Variants in CHCHD3 observed in about 807,000 individuals in gnomAD.
The protein encoded by CHCHD3 is coiled-coil-helix-coiled-coil-helix domain containing 3, also known as MICOS complex subunit MIC19.
Under a neutral mutation model 38.2 loss-of-function variants are expected in CHCHD3, and 20 were observed. That is an observed-to-expected ratio of 0.52 (90% CI 0.37 to 0.76). The LOEUF (loss-of-function observed/expected upper bound fraction) is 0.76, where lower values mean the gene tolerates loss of function less well. CHCHD3 is among the 30% of genes least tolerant of loss of function. The pLI is 0.00. For synonymous variants in CHCHD3, 82 were observed against 100.0 expected, an observed-to-expected ratio of 0.82 and a Z score of 1.07; for missense variants, 245 against 279.2, an observed-to-expected ratio of 0.88 and a Z score of 0.87.
In CHCHD3 at chr7:132,974,981, C is replaced by A. The variant is rs115092500; in HGVS notation, c.369+188G>T. Among the ~76,000 whole-genome samples, 2,158 of 152,272 alleles carry A rather than the reference C, an allele frequency of 0.014. 57 individuals carry two copies. The highest frequency in any genetic ancestry group is 0.049 in the African/African-American group (2,032 of 41,546). On this transcript the variant is annotated intron_variant, in intron 4 of 7. Transcript: ENST00000262570. The stretch of plus-strand genomic sequence containing the variant: ...TCTTCAATACTTCCAGAGTTACCTG[C>A]CTTTAAAGTCCTTGATGGTTAAACC...
chr7:132,983,142 C>T (rs941175132), intron 3 of CHCHD3, among the ~76,000 whole-genome samples: 5 of 151,352 alleles, frequency 3.3e-5, no homozygotes, highest in South Asian at 2.2e-4. Context: ...GCCAACATGG[C>T]GAAACCCCAT....
chr7:132,892,789 C>T (rs1809397690), intron 4 of CHCHD3, among the ~76,000 whole-genome samples: 1 of 152,228 alleles, frequency 6.6e-6, no homozygotes, highest in Admixed American at 6.5e-5. Context: ...TCAGAGGGTG[C>T]AAGCCCCAAG....
chr7:132,907,240 C>T (rs1437259536), intron 4 of CHCHD3, among the ~76,000 whole-genome samples: 1 of 152,106 alleles, frequency 6.6e-6, no homozygotes, highest in Non-Finnish European at 1.5e-5. Context: ...AAACCACAAT[C>T]CTAAAGCTCC....
chr7:132,848,162 T>C (rs941704446), intron 5 of CHCHD3, among the ~76,000 whole-genome samples: 10 of 152,190 alleles, frequency 6.6e-5, no homozygotes, highest in African/African-American at 2.4e-4. Context: ...AGGCCTCTTC[T>C]TCCTCCTACA....
At chr7:132,968,054 T>C (rs1811520790) in intron 4 of CHCHD3, among the ~76,000 whole-genome samples, 1 of 152,116 alleles carries the variant, frequency 6.6e-6, no homozygotes, top group Admixed American at 6.6e-5. Flanking sequence ...GTAGCAAACA[T>C]ACCTAAAGCT....
At position 132,922,959 on chromosome 7, in the gene CHCHD3, A is replaced by C. The variant is rs148434722; in HGVS notation, c.370-37214T>G. Among the ~76,000 whole-genome samples, 459 of 152,326 alleles carry C rather than the reference A, an allele frequency of 3.0e-3. 1 individual carries two copies. Among genetic ancestry groups the C allele is most frequent in the African/African-American group, 0.011 (440 of 41,572 alleles). Reference sequence around the variant, plus strand: ...GCTGAGCATTAAAACTTACATGTACAATCATCATGTGAAAAACCTACTCAT... The same window carrying C: ...GCTGAGCATTAAAACTTACATGTACCATCATCATGTGAAAAACCTACTCAT... On this transcript the variant is annotated intron_variant, in intron 4 of 7. Coordinates refer to ENST00000262570, the MANE Select transcript of CHCHD3 (RefSeq NM_017812.4).
At chr7:132,974,217 AGGAAAACACACACTGGTG>A (rs1811695941) in intron 4 of CHCHD3, among the ~76,000 whole-genome samples, 1 of 152,224 alleles carries the variant, frequency 6.6e-6, no homozygotes, top group Admixed American at 6.5e-5. Flanking sequence ...AATAATCTCG[AGGAAAACACACACTGGTG>A]TAAACCATGG....
intron 5 of CHCHD3, among the ~76,000 whole-genome samples, chr7:132,861,427 G>A (rs907376518): frequency 6.6e-6 from 1 of 152,050 alleles, no homozygotes; most frequent in African/African-American, 2.4e-5. Context: ...TTTGTTCTCT[G>A]TATTGTATTC....
chr7:132,975,175 C>A lies in CHCHD3; in HGVS notation c.363G>T (p.Lys121Asn). 1 of 1,611,536 alleles carries A rather than the reference C, an allele frequency of 6.2e-7. No homozygotes were observed. Among genetic ancestry groups the A allele is most frequent in the Admixed American group, 1.7e-5 (1 of 60,008 alleles). ...ICSEEERAKA[K>N]HLARQLEEKD... ...CTACATTTTTAATACTCACCAGGTG[C>A]TTTGCCTTAGCGCGTTCCTCCTCGC... The change falls in exon 4 of 8, where the codon AAG becomes AAT. Residue 121 changes from lysine (K) to asparagine (N), a missense_variant. Physicochemically the swap from Lys to Asn is moderately conservative, Grantham distance 94. Transcript: ENST00000262570.
At chr7:133,043,272 T>C (rs957384589) in intron 2 of CHCHD3, among the ~76,000 whole-genome samples, 1 of 152,166 alleles carries the variant, frequency 6.6e-6, no homozygotes, top group Admixed American at 6.5e-5. Context: ...AATATGACAC[T>C]ATATTGTATT....
Position 133,035,832 on chromosome 7 carries a change from C to T in CHCHD3, c.170-11205G>A. Reference sequence around the variant, plus strand: ...GAAGTGGGGTGGTGCGGAGAGCACGCGGATCTGAGCCCCGCTGTACTGAGC... The same window carrying T: ...GAAGTGGGGTGGTGCGGAGAGCACGTGGATCTGAGCCCCGCTGTACTGAGC... On this transcript the variant is annotated intron_variant, in intron 2 of 7. Coordinates refer to ENST00000262570, the MANE Select transcript of CHCHD3 (RefSeq NM_017812.4). This position sits in a 1 kb window ranked among gnomAD's most constrained non-coding sequence, Gnocchi z 4.7. 3.1e-6 allele frequency: 5 copies of T among 1,613,056 alleles called. No homozygotes were observed. The Admixed American group carries it at 6.7e-5, about 22-fold the overall frequency.
intron 4 of CHCHD3, among the ~76,000 whole-genome samples, chr7:132,922,641 G>C (rs767772141): frequency 1.3e-5 from 2 of 151,780 alleles, no homozygotes; most frequent in Non-Finnish European, 2.9e-5. Flanking sequence ...TTTGAAAGGC[G>C]TAAGTCATAT....
At chr7:133,074,635 C>A (rs1468356896) in intron 1 of CHCHD3, among the ~76,000 whole-genome samples, 1 of 152,094 alleles carries the variant, frequency 6.6e-6, no homozygotes, top group Non-Finnish European at 1.5e-5. Flanking sequence ...TAATAACACA[C>A]CCCTTCAATC....
chr7:132,978,117 C>T (rs775941526), intron 3 of CHCHD3, among the ~76,000 whole-genome samples: 39 of 152,208 alleles, frequency 2.6e-4, no homozygotes, highest in South Asian at 1.0e-3. Flanking sequence ...AAACAAGGCA[C>T]TCAGCACAAT....
intron 7 of CHCHD3, among the ~76,000 whole-genome samples, chr7:132,795,732 C>G (rs1806592142): frequency 6.6e-6 from 1 of 152,152 alleles, no homozygotes; most frequent in Non-Finnish European, 1.5e-5. Flanking sequence ...TCAGAACAAC[C>G]ATATCCAACT....
Position 132,838,401 on chromosome 7 carries a change from G to C in CHCHD3, c.522C>G (p.Phe174Leu), listed in dbSNP as rs764391301. 6.2e-7 allele frequency: 1 copy of C among 1,604,114 alleles called. No homozygotes were observed. The highest frequency in any genetic ancestry group is 8.5e-7 in the Non-Finnish European group (1 of 1,172,076). The change falls in exon 6 of 8, where the codon TTC (phenylalanine) becomes TTG (leucine). Residue 174 changes from phenylalanine (F) to leucine (L), a missense_variant and splice_region_variant. Coordinates refer to ENST00000262570, the MANE Select transcript of CHCHD3 (RefSeq NM_017812.4). ...TTATAATACTATTAAAAACTTACTT[G>C]AACTTTGCTTCCACCTCTTCAGCAG... is the stretch of plus-strand genomic sequence containing the variant. ...QKAAEEVEAK[F>L]KRYESHPVCA...
intron 7 of CHCHD3, among the ~76,000 whole-genome samples, chr7:132,793,227 T>C (rs1234328242): frequency 3.9e-5 from 6 of 152,142 alleles, no homozygotes; most frequent in Admixed American, 3.3e-4. Context: ...TAGGTAGGTG[T>C]AGCAAGATAG....
rs1250767298 is a variant in CHCHD3 at position 132,855,920 on chromosome 7, G to A, written c.454-17451C>T. On this transcript the variant is annotated intron_variant, in intron 5 of 7. Coordinates refer to ENST00000262570, the MANE Select transcript of CHCHD3 (RefSeq NM_017812.4). Reference sequence around the variant, plus strand: ...AGGGTGGGTGGGATGGGGAGAAAAAGATAGCTATAGAGGACCAGTAAACAA... The same window carrying A: ...AGGGTGGGTGGGATGGGGAGAAAAAAATAGCTATAGAGGACCAGTAAACAA... 4.0e-5 allele frequency among the ~76,000 whole-genome samples: 6 copies of A among 151,774 alleles called. No individual in the cohort carries two copies. In the South Asian group the frequency reaches 1.3e-3, roughly 32 times the overall value.
At chr7:133,013,185 CA>C (rs778964079) in intron 3 of CHCHD3, among the ~76,000 whole-genome samples, 235 of 18,422 alleles carry the variant, frequency 0.013, 2 homozygotes, top group African/African-American at 0.042. Context: ...GACTCCGCCT[CA>C]AAAAAAAAAA....
Sources: gnomAD v4.1 joint callset for allele counts (sites outside exome capture counted in the v4.1 genomes callset) on GRCh38, gnomAD v4.1.1 for gene constraint, Gnocchi (gnomAD v3.1) non-coding constraint, MANE v1.5 for transcripts, NCBI Gene and HGNC (gene_info 2026-07-23, HGNC 2026-07-21) for gene names.